The following PFAS variants were observed in gnomAD, a reference collection of about 807,000 sequenced individuals.
PFAS encodes FGAM synthase.
PFAS carries 97 observed loss-of-function variants against 140.6 expected under a neutral mutation model. That is an observed-to-expected ratio of 0.69 (90% confidence interval 0.59 to 0.82). The LOEUF (loss-of-function observed/expected upper bound fraction) is 0.82, where lower values mean the gene tolerates loss of function less well. PFAS is among the 40% of genes least tolerant of loss of function. The pLI is 0.00. For missense variants in PFAS, 1,656 were observed against 1,780.2 expected (o/e 0.93, Z 1.26); for synonymous variants, 679 against 718.8 (o/e 0.94, Z 0.88).
At chr17:8,265,763 G>C in intron 20 of PFAS, 99 bp from the exon 21 acceptor site, 4 of 1,344,432 alleles carry the variant, frequency 3.0e-6, no homozygotes, top group South Asian at 1.2e-5. Flanking sequence ...TGATTGTCTA[G>C]GTGTCTCACC....
At position 8,258,163 on chromosome 17, in the gene PFAS, G is replaced by A. The variant is rs141777945; in HGVS notation, c.1300G>A (p.Glu434Lys). 4,113 of 1,614,130 alleles carry A rather than the reference G, an allele frequency of 2.5e-3. 14 individuals are homozygous for A. The highest frequency in any genetic ancestry group is 2.6e-3 in the Non-Finnish European group (3,098 of 1,180,018). The change falls in exon 11 of 28, where the codon GAA becomes AAA. Residue 434 changes from glutamate to lysine, a missense_variant. Glu to Lys is a moderately conservative substitution (Grantham distance 56, BLOSUM62 1). This residue lies in a region of PFAS where 773 missense variants were observed against 757.3 expected (regional missense o/e 1.02). Transcript: ENST00000314666. ...GTTTAGTGGGGGCATTGGGTCCATGGAAGCTGACCACATAAGCAAGGAGGC... is the reference window on the plus strand; with the variant it reads ...GTTTAGTGGGGGCATTGGGTCCATGAAAGCTGACCACATAAGCAAGGAGGC... ...IMFSGGIGSM[E>K]ADHISKEAPE...
intron 13 of PFAS, 104 bp downstream of exon 13, chr17:8,263,369 G>T: frequency 7.8e-7 from 1 of 1,283,862 alleles, no homozygotes; most frequent in Middle Eastern, 2.0e-4. Flanking sequence ...CCAGCTCTGG[G>T]TCCCATTCTC....
At position 8,267,695 on chromosome 17, in the gene PFAS, T is replaced by C. The variant is rs757855972; in HGVS notation, c.3382+30T>C. On this transcript the variant is annotated intron_variant, in intron 26 of 27. Transcript: ENST00000314666. This position sits in a 1 kb window ranked among gnomAD's most constrained non-coding sequence, Gnocchi z 4.9. ...GTGTGCAGGCTTCTGCCCACTCCCTTCCCCCACATTCCTGAAGAGGTGCCT... is the reference window on the plus strand; with the variant it reads ...GTGTGCAGGCTTCTGCCCACTCCCTCCCCCCACATTCCTGAAGAGGTGCCT... The C allele has an allele frequency of 4.1e-6, 5 of 1,218,392 alleles. No individual in the cohort carries two copies. The Admixed American group carries it at 5.4e-5, about 13-fold the overall frequency. The allele number at this position is 1,218,392 out of a possible 1,614,324, so 75.5% of individuals were successfully genotyped here.
Position 8,267,308 on chromosome 17 carries a change from G to T in PFAS, c.3176-64G>T. Reference sequence around the variant, plus strand: ...GGATGCCTGGGCCTGCCCTCAGAAAGGTGTCTGGGGAGTTGGGGTGGGGAA... The same window carrying T: ...GGATGCCTGGGCCTGCCCTCAGAAATGTGTCTGGGGAGTTGGGGTGGGGAA... On this transcript the variant is annotated intron_variant, in intron 24 of 27. Coordinates refer to ENST00000314666, the MANE Select transcript of PFAS (RefSeq NM_012393.3). The surrounding 1 kb of genome is among the most constrained non-coding windows in gnomAD (Gnocchi z 4.9). 1 of 1,586,546 alleles carries T rather than the reference G, an allele frequency of 6.3e-7. No individual in the cohort carries two copies. Among genetic ancestry groups the T allele is most frequent in the Non-Finnish European group, 8.7e-7 (1 of 1,156,036 alleles).
In PFAS at chr17:8,265,972, G is replaced by C. The variant is rs925383504; in HGVS notation, c.2656G>C (p.Glu886Gln). 3.1e-6 allele frequency: 5 copies of C among 1,613,468 alleles called. No individual in the cohort carries two copies. The highest frequency in any genetic ancestry group is 4.2e-6 in the Non-Finnish European group (5 of 1,179,692). Residue 886 changes from glutamate (E) to glutamine (Q), a missense_variant, in exon 21 of 28, where the codon GAG becomes CAG. Transcript: ENST00000314666. ...ACACCCTCCAGACCTGGACCTTCCT[G>C]AGAACTTGGTGCGGGCCTTCAGCAT... is the stretch of plus-strand genomic sequence containing the variant. The part of the protein sequence containing the change: ...GEHPPDLDLP[E>Q]NLVRAFSITQ...
Position 8,267,580 on chromosome 17 carries a change from C to A in PFAS, c.3297C>A (p.Cys1099Ter). The A allele has an allele frequency of 6.2e-7, 1 of 1,613,082 alleles. No homozygotes were observed. Among genetic ancestry groups the A allele is most frequent in the Non-Finnish European group, 8.5e-7 (1 of 1,179,062 alleles). The change falls in exon 26 of 28, where the codon TGC (cysteine) becomes TGA (stop). Residue 1099 changes from cysteine (C) to a stop codon, truncating the protein, a stop_gained. Transcript: ENST00000314666. LOFTEE classifies it high-confidence loss of function. The surrounding 1 kb of genome is among the most constrained non-coding windows in gnomAD (Gnocchi z 4.9). Reference sequence around the variant, plus strand: ...GGGACGTGACCATGCAGGACCTCTGCTCTGGGGCAATTGGGCTGGACACTT... The same window carrying A: ...GGGACGTGACCATGCAGGACCTCTGATCTGGGGCAATTGGGCTGGACACTT... ...EVWDVTMQDL[C>*]SGAIGLDTFR...
rs750326585 is a variant in PFAS, at chr17:8,267,280, C to T, written c.3175+45C>T. ...GGCTCCGCGTCCTGGGGGCACTGAG[C>T]CTGGATGCCTGGGCCTGCCCTCAGA... On this transcript the variant is annotated intron_variant, in intron 24 of 27. Transcript: ENST00000314666. The surrounding 1 kb of genome is among the most constrained non-coding windows in gnomAD (Gnocchi z 4.9). 5 of 1,582,220 alleles carry T rather than the reference C, an allele frequency of 3.2e-6. No individual in the cohort carries two copies. In the African/African-American group the frequency reaches 5.4e-5, roughly 17 times the overall value.
rs756084066 is a variant in PFAS at position 8,263,757 on chromosome 17, C to A, written c.1630-18C>A. ...TGCCCACTGGCCCTTCTCTTTCCTC[C>A]CCGCCGTGGCTGTGCAGCTTGGGGA... On this transcript the variant is annotated intron_variant, in intron 14 of 27. Coordinates refer to ENST00000314666, the MANE Select transcript of PFAS (RefSeq NM_012393.3). The A allele has an allele frequency of 6.2e-7, 1 of 1,611,042 alleles. No individual in the cohort carries two copies. Among genetic ancestry groups the A allele is most frequent in the Non-Finnish European group, 8.5e-7 (1 of 1,177,640 alleles).
In PFAS at chr17:8,256,260, C is replaced by G. The variant is rs1267851851; in HGVS notation, c.681-7C>G. ...CTGCCTTCCCCTCCCTGCATCGCCC[C>G]CTGCAGCGAGCACAGCCGACACTGG... On this transcript the variant is annotated splice_polypyrimidine_tract_variant and splice_region_variant and intron_variant, in intron 6 of 27. Transcript: ENST00000314666. 6.2e-7 allele frequency: 1 copy of G among 1,613,614 alleles called. No homozygotes were observed. Among genetic ancestry groups the G allele is most frequent in the East Asian group, 2.2e-5 (1 of 44,890 alleles).
In PFAS at chr17:8,249,324, C is replaced by T. The variant is rs1462691153; in HGVS notation, c.-95C>T. The stretch of plus-strand genomic sequence containing the variant: ...GACGATTCGAGGTGCTCTGTGGCCG[C>T]GAGTGCATCTTCCACGTGAGTATAG... On this transcript the variant is annotated 5_prime_UTR_variant, in exon 1 of 28. Transcript: ENST00000314666. 6.6e-6 allele frequency: 1 copy of T among 152,248 alleles called. No individual in the cohort carries two copies. Among genetic ancestry groups the T allele is most frequent in the Non-Finnish European group, 1.5e-5 (1 of 68,050 alleles). The allele number at this position is 152,248 out of a possible 1,614,324, so 9.4% of individuals were successfully genotyped here. A position where few individuals can be genotyped will look rare whatever the true frequency, so the allele number is the denominator to read the frequency against.
rs778367280 is a variant in PFAS, at chr17:8,255,516, G to A, written c.399G>A (p.Pro133=). 1.6e-5 allele frequency: 25 copies of A among 1,515,924 alleles called. No individual in the cohort carries two copies. Among genetic ancestry groups the A allele is most frequent in the African/African-American group, 2.8e-5 (2 of 71,578 alleles). 93.9% of individuals were successfully genotyped at this position (1,515,924 alleles called of 1,614,324 possible). Residue 133 remains proline (P), a synonymous_variant, in exon 5 of 28, where the codon CCG becomes CCA. Transcript: ENST00000314666. ...TGCACCCCTAGTTTGCCCACCCCCC[G>A]TCAGCTGAGGTGGAAGCCATTGCTC... The part of the protein sequence containing the change: ...RRYRLSFAHP[P]SAEVEAIALA...
In PFAS at chr17:8,269,591, G is replaced by A. The variant is rs1281602825; in HGVS notation, c.*327G>A. 1 of 274,010 alleles carries A rather than the reference G, an allele frequency of 3.6e-6. No homozygotes were observed. The highest frequency in any genetic ancestry group is 7.4e-5 in the East Asian group (1 of 13,528). 17.0% of individuals were successfully genotyped at this position (274,010 alleles called of 1,614,324 possible). ...TGTTGCCCACTTCACAACACCCAGT[G>A]ATCACCGGTGTGCAATTGCCTCCTT... On this transcript the variant is annotated 3_prime_UTR_variant, in exon 28 of 28. Coordinates refer to ENST00000314666, the MANE Select transcript of PFAS (RefSeq NM_012393.3).
chr17:8,265,126 G>T lies in PFAS; in HGVS notation c.2280+1G>T, dbSNP rs749712605. On this transcript the variant is annotated splice_donor_variant, in intron 18 of 27. Coordinates refer to ENST00000314666, the MANE Select transcript of PFAS (RefSeq NM_012393.3). LOFTEE classifies it high-confidence loss of function. ...GTTTGCTCTGGTCACTGACCTCCGG[G>T]TGAGTTCTCCCACAGCTTCTATCCT... is the stretch of plus-strand genomic sequence containing the variant. 9 of 1,609,680 alleles carry T rather than the reference G, an allele frequency of 5.6e-6. No individual in the cohort carries two copies. The highest frequency in any genetic ancestry group is 7.6e-6 in the Non-Finnish European group (9 of 1,177,746).
Position 8,255,043 on chromosome 17 carries a change from C to A in PFAS, c.295C>A (p.Pro99Thr). 6.2e-7 allele frequency: 1 copy of A among 1,613,848 alleles called. No individual in the cohort carries two copies. The highest frequency in any genetic ancestry group is 8.5e-7 in the Non-Finnish European group (1 of 1,179,820). The change falls in exon 4 of 28, where the codon CCA becomes ACA. Residue 99 changes from proline to threonine, a missense_variant. This residue lies in a region of PFAS where 773 missense variants were observed against 757.3 expected (regional missense o/e 1.02). Transcript: ENST00000314666. ...ATTGTTCAGGCTGAACTTCTCCACC[C>A]CAACATCCACCAACATCGTGTCAGT... is the stretch of plus-strand genomic sequence containing the variant. ...EVGPRLNFST[P>T]TSTNIVSVCR... is the part of the protein sequence containing the mutation.
At position 8,265,857 on chromosome 17, in the gene PFAS, C is replaced by A; in HGVS notation, c.2546-5C>A. 4 of 1,595,818 alleles carry A rather than the reference C, an allele frequency of 2.5e-6. No homozygotes were observed. Among genetic ancestry groups the A allele is most frequent in the Non-Finnish European group, 3.4e-6 (4 of 1,169,140 alleles). On this transcript the variant is annotated splice_polypyrimidine_tract_variant and splice_region_variant and intron_variant, in intron 20 of 27. Coordinates refer to ENST00000314666, the MANE Select transcript of PFAS (RefSeq NM_012393.3). Reference sequence around the variant, plus strand: ...CCCTCCCCTCACCCCTCCCCGTCTCCCCAGGCCATCTGCTCTATGTGGCTC... The same window carrying A: ...CCCTCCCCTCACCCCTCCCCGTCTCACCAGGCCATCTGCTCTATGTGGCTC...
rs779064893 is a variant in PFAS at position 8,265,848 on chromosome 17, C to T, written c.2546-14C>T. ...GAGCTGTTCCCCTCCCCTCACCCCT[C>T]CCCGTCTCCCCAGGCCATCTGCTCT... On this transcript the variant is annotated splice_polypyrimidine_tract_variant and intron_variant, in intron 20 of 27. Transcript: ENST00000314666. 14 of 1,587,472 alleles carry T rather than the reference C, an allele frequency of 8.8e-6. No homozygotes were observed. Among genetic ancestry groups the T allele is most frequent in the East Asian group, 4.5e-5 (2 of 44,544 alleles).
rs150517282 is a variant in PFAS at position 8,264,532 on chromosome 17, C to T, written c.1980C>T (p.Ser660=). The T allele has an allele frequency of 5.5e-4, 892 of 1,613,524 alleles. 1 individual carries two copies. Among genetic ancestry groups the T allele is most frequent in the Middle Eastern group, 2.0e-3 (12 of 6,046 alleles). Residue 660 remains serine (S), a synonymous_variant, in exon 17 of 28, where the codon AGC becomes AGT. Transcript: ENST00000314666. ...CTCTGGCCTTGCCCCCAGGGCTGAG[C>T]GTGCACCAGGCTCTGGAGAGGGTTC... is the stretch of plus-strand genomic sequence containing the variant. ...LQPLALPPGL[S]VHQALERVLR...
At chr17:8,258,305 G>T (rs1021739598) in intron 11 of PFAS, 106 bp downstream of exon 11, 42 of 1,239,004 alleles carry the variant, frequency 3.4e-5, no homozygotes, top group Non-Finnish European at 4.3e-5. Context: ...TTTTTAATAT[G>T]TTGGCTTATC....
At chr17:8,263,051 G>C in intron 12 of PFAS, 58 bp downstream of exon 12, 1 of 1,608,870 alleles carries the variant, frequency 6.2e-7, no homozygotes, top group Non-Finnish European at 8.5e-7. Flanking sequence ...CCAGGCATAG[G>C]GGAGCGTATA....
Sources: gnomAD v4.1 joint callset for allele counts on GRCh38, gnomAD v4.1.1 for gene constraint, gnomAD v4.1.1 regional missense constraint, Gnocchi (gnomAD v3.1) non-coding constraint, MANE v1.5 for transcripts, NCBI Gene and HGNC (gene_info 2026-07-23, HGNC 2026-07-21) for gene names.